Variants in GABRG2 observed in about 807,000 individuals in gnomAD.
The protein encoded by GABRG2 is gamma-aminobutyric acid receptor subunit gamma-2.
A neutral mutation model predicts 56.4 loss-of-function variants in GABRG2; 16 were observed. The observed-to-expected ratio is 0.28, with a 90% confidence interval of 0.19 to 0.43. The LOEUF (loss-of-function observed/expected upper bound fraction) is 0.43, where lower values mean the gene tolerates loss of function less well. GABRG2 is among the 20% of genes least tolerant of loss of function. The pLI, the probability that GABRG2 is intolerant of heterozygous loss-of-function variation, is 1.00. For synonymous variants in GABRG2, 208 were observed against 205.5 expected (o/e 1.01, Z -0.10); for missense variants, 327 against 582.7 (o/e 0.56, Z 4.52).
intron 6 of GABRG2, among the ~76,000 whole-genome samples, chr5:162,129,882 CTAT>C (rs1230886761): frequency 2.0e-5 from 3 of 151,600 alleles, no homozygotes; most frequent in Non-Finnish European, 4.4e-5. Flanking sequence ...TTTCAGAGAT[CTAT>C]TATTTAATTG....
intron 1 of GABRG2, among the ~76,000 whole-genome samples, chr5:162,091,442 G>A (rs1760577979): frequency 6.6e-6 from 1 of 152,074 alleles, no homozygotes. Flanking sequence ...AATGTAATAT[G>A]AGAACTAATA....
intron 1 of GABRG2, among the ~76,000 whole-genome samples, chr5:162,086,583 T>C (rs941007353): frequency 6.6e-5 from 10 of 152,014 alleles, no homozygotes; most frequent in African/African-American, 2.2e-4. Flanking sequence ...AAACGTCTTC[T>C]TTCTTTCCTA....
chr5:162,091,041 T>C (rs1250370795), intron 1 of GABRG2, among the ~76,000 whole-genome samples: 1 of 152,082 alleles, frequency 6.6e-6, no homozygotes, highest in Non-Finnish European at 1.5e-5. Flanking sequence ...CTGGAAACAG[T>C]CCCAGGTTAT....
chr5:162,136,363 A>C (rs1039809542), intron 6 of GABRG2, among the ~76,000 whole-genome samples: 3 of 152,106 alleles, frequency 2.0e-5, no homozygotes, highest in Non-Finnish European at 4.4e-5. Context: ...CGCGCACTTG[A>C]AATGTGGTTT....
intron 9 of GABRG2, 60 bp downstream of exon 9, chr5:162,151,813 C>G (rs1765393372): frequency 7.1e-7 from 1 of 1,399,426 alleles, no homozygotes; most frequent in Admixed American, 1.7e-5. Context: ...ACTATTAATG[C>G]TTACATGGTG....
In GABRG2 at chr5:162,116,638, A is replaced by C. The variant is rs1367652336; in HGVS notation, c.769+12612A>C. On this transcript the variant is annotated intron_variant, in intron 6 of 9. Coordinates refer to ENST00000639213, the MANE Select transcript of GABRG2 (RefSeq NM_198904.4). ...CTCTATAGGGATGGACTTTGTAGGC[A>C]GGGGAAGCAAATATCTGGATTACAA... Among the ~76,000 whole-genome samples the C allele has an allele frequency of 3.9e-5, 6 of 151,950 alleles. No individual in the cohort carries two copies. The East Asian group carries it at 1.2e-3, about 29-fold the overall frequency.
Position 162,149,256 on chromosome 5 carries a change from T to C in GABRG2, c.1071T>C (p.His357=). ...FSALVEYGTL[H]YFVSNRKPSK... is the part of the protein sequence containing the mutation. ...CTCTGGTGGAGTATGGCACCTTGCA[T>C]TATTTTGTCAGCAACCGGAAACCAA... The change falls in exon 8 of 10, where the codon CAT becomes CAC. Residue 357 remains histidine (H), a synonymous_variant. Transcript: ENST00000639213. The C allele has an allele frequency of 6.2e-7, 1 of 1,614,158 alleles. No homozygotes were observed. The highest frequency in any genetic ancestry group is 8.5e-7 in the Non-Finnish European group (1 of 1,180,036).
At chr5:162,103,816 G>T in intron 5 of GABRG2, 73 bp from the exon 6 acceptor site, 1 of 1,533,266 alleles carries the variant, frequency 6.5e-7, no homozygotes, top group Non-Finnish European at 9.0e-7. Flanking sequence ...TCAGTGTCAT[G>T]TTCATAGAAG....
At chr5:162,085,453 T>G (rs555267433) in intron 1 of GABRG2, among the ~76,000 whole-genome samples, 6 of 151,990 alleles carry the variant, frequency 3.9e-5, no homozygotes, top group Non-Finnish European at 8.8e-5. Context: ...ATATTTTTCT[T>G]TCTATCCTAC....
chr5:162,094,204 G>T, intron 2 of GABRG2: 1 of 519,404 alleles, frequency 1.9e-6, no homozygotes. Flanking sequence ...GAGAGCTAGA[G>T]TTAGAAATTC....
intron 6 of GABRG2, among the ~76,000 whole-genome samples, chr5:162,132,708 T>C (rs1241540167): frequency 6.6e-6 from 1 of 152,048 alleles, no homozygotes; most frequent in Admixed American, 6.6e-5. Flanking sequence ...AACTAGACTA[T>C]TATATCTGCT....
chr5:162,097,726 G>C lies in GABRG2; in HGVS notation c.416G>C (p.Ser139Thr). ...ACCATTAAAGTCCTCCGATTGAACAGCAACATGGTGGGGAAAATCTGGATT... is the reference window on the plus strand; with the variant it reads ...ACCATTAAAGTCCTCCGATTGAACACCAACATGGTGGGGAAAATCTGGATT... ...NSTIKVLRLN[S>T]NMVGKIWIPD... The change falls in exon 4 of 10, where the codon AGC (serine) becomes ACC (threonine). Residue 139 changes from serine (S) to threonine (T), a missense_variant. Transcript: ENST00000639213. The C allele has an allele frequency of 6.2e-7, 1 of 1,613,852 alleles. No homozygotes were observed. The highest frequency in any genetic ancestry group is 8.5e-7 in the Non-Finnish European group (1 of 1,179,886).
intron 1 of GABRG2, among the ~76,000 whole-genome samples, chr5:162,085,834 G>T (rs554989272): frequency 6.6e-6 from 1 of 151,650 alleles, no homozygotes; most frequent in Admixed American, 6.6e-5. Context: ...GCGGTATTTG[G>T]TTTTCTGTTC....
At chr5:162,132,094 G>A (rs1763795404) in intron 6 of GABRG2, among the ~76,000 whole-genome samples, 1 of 151,586 alleles carries the variant, frequency 6.6e-6, no homozygotes, top group African/African-American at 2.4e-5. Flanking sequence ...ACTCTGTCAG[G>A]TTGCTATGGA....
chr5:162,077,281 C>T (rs1203895388), intron 1 of GABRG2, among the ~76,000 whole-genome samples: 1 of 151,968 alleles, frequency 6.6e-6, no homozygotes, highest in Non-Finnish European at 1.5e-5. Flanking sequence ...TGTGCTTTAC[C>T]TTTTTAACCC....
chr5:162,136,029 G>A (rs1384662740), intron 6 of GABRG2, among the ~76,000 whole-genome samples: 9 of 152,242 alleles, frequency 5.9e-5, no homozygotes, highest in African/African-American at 1.9e-4. Flanking sequence ...CATTTCAGAA[G>A]TTGAGAGCAA....
intron 1 of GABRG2, among the ~76,000 whole-genome samples, chr5:162,081,268 C>G (rs974252199): frequency 6.6e-6 from 1 of 151,842 alleles, no homozygotes; most frequent in South Asian, 2.1e-4. Flanking sequence ...AGGAAATTTC[C>G]ACAAATATCT....
chr5:162,132,755 T>C (rs1359284440), intron 6 of GABRG2, among the ~76,000 whole-genome samples: 1 of 152,040 alleles, frequency 6.6e-6, no homozygotes, highest in Admixed American at 6.6e-5. Context: ...GCTGAAACTA[T>C]TTCCATTGAA....
intron 6 of GABRG2, among the ~76,000 whole-genome samples, chr5:162,117,199 T>C (rs1762678249): frequency 6.6e-6 from 1 of 152,188 alleles, no homozygotes; most frequent in Admixed American, 6.6e-5. Flanking sequence ...AGTCATATTT[T>C]ATAAACATAA....
Sources: gnomAD v4.1 joint callset for allele counts (sites outside exome capture counted in the v4.1 genomes callset) on GRCh38, gnomAD v4.1.1 for gene constraint, MANE v1.5 for transcripts, NCBI Gene and HGNC (gene_info 2026-07-23, HGNC 2026-07-21) for gene names.